MYO3B: variants seen among roughly 807,000 people sequenced by gnomAD.
The protein encoded by MYO3B is myosin-IIIb.
In MYO3B, 156 loss-of-function variants were observed where a neutral mutation model predicts 174.6. The ratio of observed to expected loss-of-function variants is 0.89; its 90% CI spans 0.78 to 1.02. MYO3B has a LOEUF of 1.02. MYO3B is among the 50% of genes least tolerant of loss of function. MYO3B has a pLI of 0.00. For missense variants in MYO3B, 1,632 were observed against 1,639.4 expected (o/e 1.00, Z 0.08); for synonymous variants, 563 against 569.1 (o/e 0.99, Z 0.15).
chr2:170,351,908 C>T (rs898184548), intron 8 of MYO3B, among the ~76,000 whole-genome samples: 9 of 152,136 alleles, frequency 5.9e-5, no homozygotes, highest in African/African-American at 2.2e-4. Flanking sequence ...GGGACAGCAT[C>T]CAGTGTGTGA....
At chr2:170,357,605 C>CTTTA (rs2094132210) in intron 8 of MYO3B, among the ~76,000 whole-genome samples, 1 of 151,356 alleles carries the variant, frequency 6.6e-6, no homozygotes, top group African/African-American at 2.4e-5. Context: ...TCACATATAC[C>CTTTA]TTTATTTATT....
At chr2:170,598,823 G>A (rs1022423827) in intron 32 of MYO3B, among the ~76,000 whole-genome samples, 11 of 152,176 alleles carry the variant, frequency 7.2e-5, no homozygotes, top group African/African-American at 2.7e-4. Flanking sequence ...TTTCAGAGTT[G>A]TTACGGGAAT....
chr2:170,188,355 T>A (rs1050877593), intron 1 of MYO3B, among the ~76,000 whole-genome samples: 1 of 152,198 alleles, frequency 6.6e-6, no homozygotes, highest in African/African-American at 2.4e-5. Flanking sequence ...TCAGTCCGTG[T>A]GTGCCTTGAT....
intron 3 of MYO3B, among the ~76,000 whole-genome samples, chr2:170,202,478 C>T (rs1046687961): frequency 5.3e-5 from 8 of 152,196 alleles, no homozygotes; most frequent in Admixed American, 3.9e-4. Context: ...CCTCTCTCTT[C>T]AGTCCCCTAG....
chr2:170,394,628 T>C (rs1040238), intron 16 of MYO3B, among the ~76,000 whole-genome samples: 37,534 of 152,140 alleles, frequency 0.25, 5,282 homozygotes, highest in Non-Finnish European at 0.32. Context: ...CAGAATGTAA[T>C]GGTGTTATGT....
intron 32 of MYO3B, among the ~76,000 whole-genome samples, chr2:170,630,701 AG>A (rs1313820217): frequency 1.3e-5 from 2 of 152,192 alleles, no homozygotes; most frequent in Non-Finnish European, 2.9e-5. Flanking sequence ...GAAGCTTCAG[AG>A]GAAGGATCAG....
chr2:170,496,598 AAT>A (rs1686864160), intron 25 of MYO3B, among the ~76,000 whole-genome samples: 1 of 148,396 alleles, frequency 6.7e-6, no homozygotes, highest in South Asian at 2.1e-4. Flanking sequence ...AGTTATATAT[AAT>A]ATATATGTAT....
chr2:170,508,916 T>C (rs931369542), intron 28 of MYO3B, among the ~76,000 whole-genome samples: 8 of 152,188 alleles, frequency 5.3e-5, no homozygotes, highest in Non-Finnish European at 7.3e-5. Flanking sequence ...AGGTAATATA[T>C]GCAAAGCATC....
chr2:170,194,886 G>T (rs1336032472), intron 1 of MYO3B, among the ~76,000 whole-genome samples: 2 of 152,170 alleles, frequency 1.3e-5, no homozygotes, highest in Non-Finnish European at 2.9e-5. Context: ...ACTGGTCTAA[G>T]TCCAAGAGTC....
chr2:170,418,901 A>G (rs1038550140), intron 22 of MYO3B, among the ~76,000 whole-genome samples: 6 of 152,224 alleles, frequency 3.9e-5, no homozygotes, highest in African/African-American at 1.4e-4. Flanking sequence ...TGTAGGGGAA[A>G]AGGTAACTAG....
At chr2:170,210,286 CCAT>C (rs2105356630) in intron 3 of MYO3B, among the ~76,000 whole-genome samples, 1 of 152,292 alleles carries the variant, frequency 6.6e-6, no homozygotes, top group African/African-American at 2.4e-5. Context: ...TACAGTCCTT[CCAT>C]CATTTGTTTA....
intron 25 of MYO3B, among the ~76,000 whole-genome samples, chr2:170,497,370 A>G (rs1686923345): frequency 6.6e-6 from 1 of 151,958 alleles, no homozygotes. Flanking sequence ...TAATCCCAGC[A>G]CTTTGGGAGG....
At position 170,181,148 on chromosome 2, in the gene MYO3B, A is replaced by C. The variant is rs2092394038; in HGVS notation, c.2+2859A>C. ...AGCTCTTACATCTGTTTAATGATTA[A>C]AGTTAATTTTTATATGTGGTGTAAG... On this transcript the variant is annotated intron_variant, in intron 1 of 34. Transcript: ENST00000408978. 2.6e-5 allele frequency among the ~76,000 whole-genome samples: 4 copies of C among 152,206 alleles called. No individual in the cohort carries two copies. In the South Asian group the frequency reaches 8.3e-4, roughly 32 times the overall value.
intron 25 of MYO3B, among the ~76,000 whole-genome samples, chr2:170,483,372 ATTCTT>A (rs1685817447): frequency 1.3e-5 from 1 of 74,706 alleles, no homozygotes; most frequent in Non-Finnish European, 2.7e-5. Flanking sequence ...TTGCTTGGGG[ATTCTT>A]TTTTTTTTTT....
intron 7 of MYO3B, chr2:170,334,431 A>G (rs930400645): frequency 2.0e-5 from 3 of 152,186 alleles, no homozygotes; most frequent in South Asian, 2.1e-4. Context: ...TCCTCTGCCT[A>G]TTGAATCTGA....
intron 7 of MYO3B, among the ~76,000 whole-genome samples, chr2:170,247,597 C>T (rs2105323184): frequency 6.6e-6 from 1 of 152,282 alleles, no homozygotes; most frequent in East Asian, 1.9e-4. Context: ...AGCTTACAGA[C>T]AATAGAAACT....
intron 22 of MYO3B, among the ~76,000 whole-genome samples, chr2:170,422,640 G>T (rs1405699482): frequency 2.6e-5 from 4 of 151,980 alleles, no homozygotes; most frequent in African/African-American, 9.7e-5. Context: ...TGTATTATTA[G>T]TAGAGGTGGG....
At chr2:170,516,579 C>T (rs1688324251) in intron 29 of MYO3B, among the ~76,000 whole-genome samples, 1 of 150,112 alleles carries the variant, frequency 6.7e-6, no homozygotes, top group African/African-American at 2.5e-5. Flanking sequence ...TGAGGCAGAG[C>T]TTGCAGTGAG....
intron 28 of MYO3B, among the ~76,000 whole-genome samples, chr2:170,509,184 C>G (rs1348224598): frequency 6.6e-6 from 1 of 152,190 alleles, no homozygotes; most frequent in South Asian, 2.1e-4. Flanking sequence ...TGGCAAAATC[C>G]TGTCTCTACT....
Sources: allele counts gnomAD v4.1 joint callset (sites outside exome capture counted in the v4.1 genomes callset), GRCh38; gene constraint gnomAD v4.1.1; transcripts MANE v1.5; gene names NCBI Gene and HGNC (gene_info 2026-07-23, HGNC 2026-07-21).